Variants in GRIA4 observed in about 807,000 individuals in gnomAD.
The protein encoded by GRIA4 is glutamate receptor 4.
Under a neutral mutation model 104.0 loss-of-function variants are expected in GRIA4, and 34 were observed. The ratio of observed to expected loss-of-function variants is 0.33; its 90% CI spans 0.25 to 0.44. GRIA4 has a LOEUF of 0.44. Among genes scored for constraint, GRIA4 ranks in the 20% least tolerant of loss-of-function variants. GRIA4 has a pLI of 1.00. For missense variants in GRIA4, 750 were observed against 1,096.5 expected (o/e 0.68, Z 4.46); for synonymous variants, 386 against 381.9 (o/e 1.01, Z -0.13).
intron 14 of GRIA4, among the ~76,000 whole-genome samples, chr11:105,939,196 T>C (rs1041325887): frequency 1.3e-5 from 2 of 152,214 alleles, no homozygotes; most frequent in Admixed American, 1.3e-4. Context: ...AATTTATCAG[T>C]ATTTTTTAAG....
chr11:105,923,064 C>A (rs186208353), intron 11 of GRIA4, among the ~76,000 whole-genome samples: 2 of 152,166 alleles, frequency 1.3e-5, no homozygotes, highest in East Asian at 3.9e-4. Context: ...CCCATTCTAA[C>A]CCCCCAGTTG....
At chr11:105,610,637 G>C in intron 1 of GRIA4, 1 of 198,662 alleles carries the variant, frequency 5.0e-6, no homozygotes, top group Non-Finnish European at 1.0e-5. Context: ...GGGCGAGCGC[G>C]AGTGCGAGTG....
At chr11:105,681,007 T>G (rs1952692839) in intron 3 of GRIA4, among the ~76,000 whole-genome samples, 1 of 152,170 alleles carries the variant, frequency 6.6e-6, no homozygotes, top group African/African-American at 2.4e-5. Context: ...TAGAGAGGTT[T>G]GTAAAGTCTT....
At chr11:105,685,564 T>C (rs1952853317) in intron 3 of GRIA4, among the ~76,000 whole-genome samples, 1 of 152,210 alleles carries the variant, frequency 6.6e-6, no homozygotes, top group African/African-American at 2.4e-5. Flanking sequence ...ATTAATAAGA[T>C]ACACGTTTGA....
intron 3 of GRIA4, among the ~76,000 whole-genome samples, chr11:105,711,070 T>C (rs927047031): frequency 3.3e-5 from 5 of 152,110 alleles, no homozygotes; most frequent in Non-Finnish European, 1.5e-5. Flanking sequence ...AATATAATTA[T>C]CATAAAAGTA....
chr11:105,659,575 A>C (rs1230849558), intron 3 of GRIA4, among the ~76,000 whole-genome samples: 1 of 151,876 alleles, frequency 6.6e-6, no homozygotes, highest in Non-Finnish European at 1.5e-5. Context: ...ACCCTAGAAC[A>C]ACATACCTCT....
chr11:105,847,280 G>A (rs923183503), intron 4 of GRIA4, among the ~76,000 whole-genome samples: 1 of 152,210 alleles, frequency 6.6e-6, no homozygotes, highest in Non-Finnish European at 1.5e-5. Flanking sequence ...TGCCACTGCT[G>A]TCCTGACAGG....
chr11:105,915,776 A>G (rs925191326), intron 10 of GRIA4, among the ~76,000 whole-genome samples: 10 of 152,204 alleles, frequency 6.6e-5, no homozygotes, highest in African/African-American at 2.4e-4. Flanking sequence ...ATATTTTGAT[A>G]AATGCAATAA....
At chr11:105,855,933 T>C (rs72991090) in intron 4 of GRIA4, among the ~76,000 whole-genome samples, 2 of 152,044 alleles carry the variant, frequency 1.3e-5, no homozygotes, top group East Asian at 1.9e-4. Flanking sequence ...AATGGAAAAA[T>C]ATGTGCTTCT....
In GRIA4 at chr11:105,903,940, C is replaced by T; in HGVS notation, c.1012C>T (p.Pro338Ser). 6.2e-7 allele frequency: 1 copy of T among 1,613,376 alleles called. No individual in the cohort carries two copies. The highest frequency in any genetic ancestry group is 8.5e-7 in the Non-Finnish European group (1 of 1,179,474). The change falls in exon 8 of 17, where the codon CCA (proline) becomes TCA (serine). Residue 338 changes from proline (P) to serine (S), a missense_variant. Around this residue, in one of 3 missense-constraint regions of GRIA4, gnomAD observed 410 missense variants for 502.7 expected, o/e 0.82. Coordinates refer to ENST00000282499, the MANE Select transcript of GRIA4 (RefSeq NM_000829.4). ...GGATTGTCTGGCAAATCCTGCTGCT[C>T]CATGGGGCCAGGGAATTGACATGGA... The part of the protein sequence containing the change: ...AGDCLANPAA[P>S]WGQGIDMERT...
intron 14 of GRIA4, among the ~76,000 whole-genome samples, chr11:105,948,002 G>A (rs972467132): frequency 1.3e-5 from 2 of 152,174 alleles, no homozygotes; most frequent in African/African-American, 4.8e-5. Flanking sequence ...GAGAGTAACA[G>A]AAAAGCTACA....
chr11:105,857,774 C>CT (rs1945061138), intron 4 of GRIA4, among the ~76,000 whole-genome samples: 1 of 152,172 alleles, frequency 6.6e-6, no homozygotes, highest in Non-Finnish European at 1.5e-5. Context: ...CCAAGTAAAG[C>CT]TTTTTCAGGG....
intron 3 of GRIA4, among the ~76,000 whole-genome samples, chr11:105,634,513 GAAGAAAGAAAGAAAGA>G (rs778170429): frequency 0.11 from 7,757 of 69,370 alleles, 371 homozygotes; most frequent in Non-Finnish European, 0.13. Context: ...AAGAAAGAAA[GAAGAAAGAAAGAAAGA>G]AAAGAAAGAA....
intron 7 of GRIA4, among the ~76,000 whole-genome samples, chr11:105,902,842 T>C (rs1946908023): frequency 6.6e-6 from 1 of 152,174 alleles, no homozygotes; most frequent in Non-Finnish European, 1.5e-5. Context: ...GTTGATACTA[T>C]TTAGCACAGT....
chr11:105,631,418 A>G (rs752967356), intron 3 of GRIA4, among the ~76,000 whole-genome samples: 1 of 152,244 alleles, frequency 6.6e-6, no homozygotes, highest in African/African-American at 2.4e-5. Flanking sequence ...CAGAATTTAT[A>G]TGGAGAGAAA....
chr11:105,977,607 TCTAA>T lies in GRIA4; in HGVS notation c.2545-1967_2545-1964del. On this transcript the variant is annotated intron_variant, in intron 16 of 16. Transcript: ENST00000282499. Reference sequence around the variant, plus strand: ...AGGGTTCTGACCCCCAAAATGTCCATCTAAAACACATAAAATGGAAAAGATTACA... The same window carrying T: ...AGGGTTCTGACCCCCAAAATGTCCATAACACATAAAATGGAAAAGATTACA... 2.0e-5 allele frequency among the ~76,000 whole-genome samples: 3 copies of T among 152,148 alleles called. 1 individual carries two copies. Among genetic ancestry groups the T allele is most frequent in the Admixed American group, 2.0e-4 (3 of 15,286 alleles).
chr11:105,979,665 C>T lies in GRIA4; in HGVS notation c.2635C>T (p.Pro879Ser), dbSNP rs779475985. The T allele has an allele frequency of 2.5e-6, 4 of 1,613,404 alleles. No homozygotes were observed. The highest frequency in any genetic ancestry group is 2.2e-5 in the East Asian group (1 of 44,896). Residue 879 changes from proline to serine, a missense_variant, in exon 17 of 17, where the codon CCA becomes TCA. Around this residue, in one of 3 missense-constraint regions of GRIA4, gnomAD observed 68 missense variants for 69.3 expected, o/e 0.98. Transcript: ENST00000282499. The stretch of plus-strand genomic sequence containing the variant: ...TGGCCGCGTCTTGACGCCTGACTGC[C>T]CAAAGGCTGTACACACTGGAACTGC... ...ENGRVLTPDC[P>S]KAVHTGTAIR...
intron 4 of GRIA4, among the ~76,000 whole-genome samples, chr11:105,760,785 G>A (rs1320696717): frequency 6.6e-6 from 1 of 151,518 alleles, no homozygotes; most frequent in Non-Finnish European, 1.5e-5. Flanking sequence ...GCATTGTTGT[G>A]AAGTACTCAA....
intron 3 of GRIA4, among the ~76,000 whole-genome samples, chr11:105,718,991 T>G (rs2135570246): frequency 6.6e-6 from 1 of 152,250 alleles, no homozygotes; most frequent in African/African-American, 2.4e-5. Context: ...GCTCCAGATC[T>G]GAGGCATTAA....
Sources: gnomAD v4.1 joint callset for allele counts (sites outside exome capture counted in the v4.1 genomes callset) on GRCh38, gnomAD v4.1.1 for gene constraint, gnomAD v4.1.1 regional missense constraint, MANE v1.5 for transcripts, NCBI Gene and HGNC (gene_info 2026-07-23, HGNC 2026-07-21) for gene names.